The following ABCA12 variants were observed in gnomAD, a reference collection of about 807,000 sequenced individuals.
ABCA12 encodes glucosylceramide transporter ABCA12.
ABCA12 carries 156 observed loss-of-function variants against 293.5 expected under a neutral mutation model. The ratio of observed to expected loss-of-function variants is 0.53; its 90% CI spans 0.47 to 0.61. The LOEUF is 0.61. Ranked by LOEUF, ABCA12 falls within the 20% of genes least tolerant of loss-of-function variation. ABCA12 has a pLI of 0.00. For synonymous variants in ABCA12, 1,063 were observed against 1,108.0 expected, an observed-to-expected ratio of 0.96 and a Z score of 0.81; for missense variants, 2,797 against 3,090.2, an observed-to-expected ratio of 0.91 and a Z score of 2.25.
At chr2:215,105,703 G>A (rs541673145) in intron 2 of ABCA12, among the ~76,000 whole-genome samples, 1 of 152,098 alleles carries the variant, frequency 6.6e-6, no homozygotes, top group South Asian at 2.1e-4. Flanking sequence ...TGACAGGAAG[G>A]ATGGAAGGGC....
intron 7 of ABCA12, among the ~76,000 whole-genome samples, chr2:215,038,763 C>T (rs1041925292): frequency 3.9e-5 from 6 of 152,194 alleles, no homozygotes; most frequent in African/African-American, 1.4e-4. Context: ...AAAGACTGAA[C>T]ATTTGACAAT....
At chr2:215,119,755 A>G (rs933096322) in intron 1 of ABCA12, among the ~76,000 whole-genome samples, 1 of 138,314 alleles carries the variant, frequency 7.2e-6, no homozygotes, top group East Asian at 1.9e-4. Context: ...AAAAAAAATG[A>G]AAACAAAACA....
intron 2 of ABCA12, among the ~76,000 whole-genome samples, chr2:215,098,056 G>C (rs1277705364): frequency 6.6e-6 from 1 of 152,166 alleles, no homozygotes; most frequent in Non-Finnish European, 1.5e-5. Context: ...TTTCACAGGA[G>C]TTAGGTTCAA....
Position 214,987,696 on chromosome 2 carries a change from A to G in ABCA12, c.3927T>C (p.Asn1309=). 2 of 1,614,086 alleles carry G rather than the reference A, an allele frequency of 1.2e-6. No homozygotes were observed. Among genetic ancestry groups the G allele is most frequent in the South Asian group, 2.2e-5 (2 of 91,062 alleles). The change falls in exon 27 of 53, where the codon AAT becomes AAC. Residue 1309 remains asparagine, a synonymous_variant. Coordinates refer to ENST00000272895, the MANE Select transcript of ABCA12 (RefSeq NM_173076.3). ...TCATGATGTTAGTAAACATGAGGCC[A>G]TTGCTCTTCTCAGGCTTCACCTCTG... ...GCAEVKPEKS[N]GLMFTNIMMQ...
chr2:215,068,715 T>C (rs1214549096), intron 2 of ABCA12, among the ~76,000 whole-genome samples: 2 of 152,134 alleles, frequency 1.3e-5, no homozygotes, highest in African/African-American at 4.8e-5. Flanking sequence ...TTTTCCCTTT[T>C]CCTCCTGCTG....
chr2:215,026,521 GAC>G (rs1283927180), intron 10 of ABCA12, among the ~76,000 whole-genome samples: 3 of 152,162 alleles, frequency 2.0e-5, no homozygotes, highest in African/African-American at 7.2e-5. Flanking sequence ...AACCTCTAAT[GAC>G]TCTGGACACT....
At chr2:215,138,032 G>A (rs1007773352) in intron 1 of ABCA12, 108 bp downstream of exon 1, 5 of 1,147,744 alleles carry the variant, frequency 4.4e-6, no homozygotes, top group Non-Finnish European at 5.3e-6. Flanking sequence ...TCCTGCTTTG[G>A]AAAATGCCTT....
rs930205964 is a variant in ABCA12 at position 214,980,375 on chromosome 2, T to C, written c.4740+108A>G. The C allele has an allele frequency of 3.5e-6, 5 of 1,432,986 alleles. No homozygotes were observed. The African/African-American group carries it at 7.0e-5, about 20-fold the overall frequency. The allele number at this position is 1,432,986 out of a possible 1,614,324, so 88.8% of individuals were successfully genotyped here. On this transcript the variant is annotated intron_variant, in intron 31 of 52. Transcript: ENST00000272895. Reference sequence around the variant, plus strand: ...TCAAATATGAGAAGCAGTAAGCTAGTATACTAATGAATTTTAGCAATGAAT... The same window carrying C: ...TCAAATATGAGAAGCAGTAAGCTAGCATACTAATGAATTTTAGCAATGAAT...
intron 43 of ABCA12, 76 bp downstream of exon 43, chr2:214,955,126 A>T: frequency 6.5e-7 from 1 of 1,528,452 alleles, no homozygotes; most frequent in Non-Finnish European, 9.0e-7. Context: ...CTTCTTTTTT[A>T]TGTAGAATAA....
At chr2:215,094,832 G>A (rs1375655771) in intron 2 of ABCA12, among the ~76,000 whole-genome samples, 3 of 152,122 alleles carry the variant, frequency 2.0e-5, no homozygotes, top group East Asian at 1.9e-4. Flanking sequence ...TGCTGCCCTC[G>A]CTAAATCCCT....
intron 11 of ABCA12, among the ~76,000 whole-genome samples, chr2:215,025,076 T>G (rs1298078575): frequency 6.6e-6 from 1 of 152,152 alleles, no homozygotes; most frequent in African/African-American, 2.4e-5. Context: ...AACATCAGCT[T>G]TCAAAATCTA....
At chr2:215,023,320 T>C (rs1700671561) in intron 11 of ABCA12, 1 of 152,214 alleles carries the variant, frequency 6.6e-6, no homozygotes, top group Non-Finnish European at 1.5e-5. Context: ...ATGGAGCTTG[T>C]GGTCTAGGAC....
At chr2:214,969,398 T>C (rs1381864370) in intron 37 of ABCA12, among the ~76,000 whole-genome samples, 1 of 152,100 alleles carries the variant, frequency 6.6e-6, no homozygotes, top group Admixed American at 6.6e-5. Flanking sequence ...TTTAACTGCC[T>C]ACCAAATTAA....
intron 2 of ABCA12, among the ~76,000 whole-genome samples, chr2:215,065,297 T>TAAAAAAAAAAAAAAAAAA (rs66466863): frequency 2.2e-5 from 1 of 45,136 alleles, no homozygotes; most frequent in African/African-American, 8.8e-5. Flanking sequence ...CATGAATGTG[T>TAAAAAAAAAAAAAAAAAA]AAAAAAAAAA....
intron 2 of ABCA12, among the ~76,000 whole-genome samples, chr2:215,088,828 T>A (rs546668439): frequency 6.6e-6 from 1 of 152,310 alleles, no homozygotes; most frequent in South Asian, 2.1e-4. Flanking sequence ...CTGAATTATG[T>A]TAGTGATGTG....
At chr2:214,974,963 G>A in intron 34 of ABCA12, 99 bp from the exon 35 acceptor site, 1 of 1,138,372 alleles carries the variant, frequency 8.8e-7, no homozygotes, top group South Asian at 1.3e-5. Flanking sequence ...ATATAGAAGG[G>A]TTTTCTTTTT....
At chr2:215,134,203 C>T (rs73076542) in intron 1 of ABCA12, among the ~76,000 whole-genome samples, 4,890 of 148,186 alleles carry the variant, frequency 0.033, 251 homozygotes, top group African/African-American at 0.12. Context: ...GTTTGTAATT[C>T]TCTTCTCATT....
intron 2 of ABCA12, among the ~76,000 whole-genome samples, chr2:215,093,187 A>G (rs1702183010): frequency 1.3e-5 from 2 of 152,174 alleles, no homozygotes; most frequent in Non-Finnish European, 2.9e-5. Flanking sequence ...TCTCAGCATA[A>G]TTCTTCATGA....
intron 2 of ABCA12, among the ~76,000 whole-genome samples, chr2:215,074,064 C>A (rs1701788642): frequency 6.6e-6 from 1 of 152,132 alleles, no homozygotes; most frequent in Non-Finnish European, 1.5e-5. Context: ...TCCTTTCCTT[C>A]TTTAAATTTT....
Sources: gnomAD v4.1 joint callset for allele counts (sites outside exome capture counted in the v4.1 genomes callset) on GRCh38, gnomAD v4.1.1 for gene constraint, MANE v1.5 for transcripts, NCBI Gene and HGNC (gene_info 2026-07-23, HGNC 2026-07-21) for gene names.